The following PHEX variants were observed in gnomAD, a reference collection of about 807,000 sequenced individuals.
PHEX encodes the protein phosphate-regulating neutral endopeptidase PHEX.
Under a neutral mutation model 68.0 loss-of-function variants are expected in PHEX, and 16 were observed. That is an observed-to-expected ratio of 0.24 (90% CI 0.16 to 0.36). PHEX has a LOEUF of 0.36. PHEX is among the 10% of genes least tolerant of loss of function. PHEX has a pLI of 1.00. For missense variants in PHEX, 480 were observed against 575.5 expected, an observed-to-expected ratio of 0.83 and a Z score of 1.70; for synonymous variants, 208 against 205.1, an observed-to-expected ratio of 1.01 and a Z score of -0.12.
chrX:22,075,804 A>G (rs1929127206), intron 3 of PHEX, among the ~76,000 whole-genome samples: 1 of 111,894 alleles, frequency 8.9e-6, no homozygotes, highest in Non-Finnish European at 1.9e-5. Context: ...GCATGTGTAA[A>G]CGGGCAAGTT....
At chrX:22,079,873 A>T (rs749543370) in intron 5 of PHEX, among the ~76,000 whole-genome samples, 24 of 110,646 alleles carry the variant, frequency 2.2e-4, no homozygotes, top group Non-Finnish European at 3.4e-4. Context: ...CTATCTATTT[A>T]AAAAAAAATC....
At chrX:22,242,445 A>T (rs1936252484) in intron 20 of PHEX, among the ~76,000 whole-genome samples, 1 of 111,829 alleles carries the variant, frequency 8.9e-6, no homozygotes, top group African/African-American at 3.3e-5. Context: ...AGGCAAGAGA[A>T]ATAAAGGGTA....
chrX:22,170,475 T>C (rs1274299218), intron 13 of PHEX, among the ~76,000 whole-genome samples: 6 of 111,658 alleles, frequency 5.4e-5, no homozygotes, highest in Non-Finnish European at 1.1e-4. Context: ...ATGAAGGTCA[T>C]ACCAATCCCT....
intron 18 of PHEX, among the ~76,000 whole-genome samples, chrX:22,222,771 C>T (rs1005762089): frequency 9.0e-6 from 1 of 111,339 alleles, no homozygotes; most frequent in African/African-American, 3.3e-5. Context: ...CAAATGTATC[C>T]CCATACTAGT....
At chrX:22,061,767 C>T (rs1183269276) in intron 3 of PHEX, among the ~76,000 whole-genome samples, 1 of 111,408 alleles carries the variant, frequency 9.0e-6, no homozygotes, top group Non-Finnish European at 1.9e-5. Flanking sequence ...CTGGTAAAAG[C>T]CCTGAAAACT....
At position 22,250,601 on chromosome X, in the gene PHEX, A is replaced by G. The variant is rs980495901; in HGVS notation, c.*2648A>G. 1 of 111,523 alleles carries G rather than the reference A, an allele frequency of 9.0e-6. No homozygotes were observed. The highest frequency in any genetic ancestry group is 1.9e-5 in the Non-Finnish European group (1 of 53,119). 9.2% of individuals were successfully genotyped at this position (111,523 alleles called of 1,213,427 possible). A position where few individuals can be genotyped will look rare whatever the true frequency, so the allele number is the denominator to read the frequency against. ...TGTGAAAATCTCCTGGATTAGTAAA[A>G]AAATTTTCTAGATATAAAGTGGTTT... On this transcript the variant is annotated 3_prime_UTR_variant, in exon 22 of 22. Transcript: ENST00000379374.
intron 16 of PHEX, among the ~76,000 whole-genome samples, chrX:22,217,675 CTAAAT>C (rs756574879): frequency 9.0e-6 from 1 of 111,474 alleles, no homozygotes; most frequent in East Asian, 2.8e-4. Flanking sequence ...GGTTGAATGA[CTAAAT>C]TAAGATACAT....
intron 3 of PHEX, 131 bp downstream of exon 3, chrX:22,047,342 T>A: frequency 1.7e-6 from 1 of 597,263 alleles, no homozygotes; most frequent in Non-Finnish European, 2.8e-6. Flanking sequence ...CAAGAATTTT[T>A]AAAATGAAAG....
At chrX:22,233,618 G>A (rs1250210477) in intron 20 of PHEX, among the ~76,000 whole-genome samples, 3 of 110,746 alleles carry the variant, frequency 2.7e-5, no homozygotes, top group South Asian at 7.7e-4. Context: ...TGATACTTGT[G>A]TATGCTTCAC....
intron 3 of PHEX, among the ~76,000 whole-genome samples, chrX:22,066,223 C>T (rs1928594420): frequency 1.8e-5 from 2 of 112,052 alleles, no homozygotes; most frequent in Admixed American, 9.4e-5. Context: ...TTGCTGCTGT[C>T]TGTGGAGAGT....
chrX:22,213,946 G>A (rs1025860308), intron 16 of PHEX, among the ~76,000 whole-genome samples: 1 of 112,292 alleles, frequency 8.9e-6, no homozygotes, highest in African/African-American at 3.2e-5. Flanking sequence ...ACACCAGTAG[G>A]GGAGTGGAGA....
intron 3 of PHEX, among the ~76,000 whole-genome samples, chrX:22,067,140 G>A (rs1350730343): frequency 9.1e-6 from 1 of 110,013 alleles, no homozygotes; most frequent in Non-Finnish European, 1.9e-5. Flanking sequence ...TACTCAGAAG[G>A]CTAAGGCAGG....
At chrX:22,067,910 G>A (rs1028984360) in intron 3 of PHEX, among the ~76,000 whole-genome samples, 1 of 109,079 alleles carries the variant, frequency 9.2e-6, no homozygotes, top group African/African-American at 3.4e-5. Flanking sequence ...TTGGCTCACT[G>A]CAACCTCAAC....
intron 5 of PHEX, among the ~76,000 whole-genome samples, chrX:22,085,494 G>C (rs1342707081): frequency 9.3e-6 from 1 of 107,423 alleles, no homozygotes; most frequent in Non-Finnish European, 1.9e-5. Flanking sequence ...AGAATTGCTT[G>C]AACCTGGGAG....
At chrX:22,144,791 G>A (rs1932615023) in intron 12 of PHEX, among the ~76,000 whole-genome samples, 1 of 109,002 alleles carries the variant, frequency 9.2e-6, no homozygotes, top group African/African-American at 3.3e-5. Context: ...TCCAGATGAG[G>A]TCTGCATATT....
intron 11 of PHEX, among the ~76,000 whole-genome samples, chrX:22,125,066 A>G (rs1931656255): frequency 8.9e-6 from 1 of 111,916 alleles, no homozygotes; most frequent in Non-Finnish European, 1.9e-5. Context: ...GGGCATTTTT[A>G]TAAATAGTTA....
intron 11 of PHEX, among the ~76,000 whole-genome samples, chrX:22,123,796 A>G (rs1366883395): frequency 6.4e-5 from 7 of 109,570 alleles, no homozygotes; most frequent in Non-Finnish European, 1.1e-4. Flanking sequence ...GAAATTACTC[A>G]TGAAATTACT....
chrX:22,164,643 G>GTTCTTTTCTTTTC (rs1556048841), intron 12 of PHEX, among the ~76,000 whole-genome samples: 1 of 111,963 alleles, frequency 8.9e-6, no homozygotes, highest in Non-Finnish European at 1.9e-5. Context: ...CCGTTCGTTC[G>GTTCTTTTCTTTTC]TTCTTTTCTT....
intron 15 of PHEX, among the ~76,000 whole-genome samples, chrX:22,209,002 A>G (rs1294880559): frequency 8.9e-6 from 1 of 112,290 alleles, no homozygotes; most frequent in Admixed American, 9.4e-5. Flanking sequence ...CAAACGCTAC[A>G]GTAAATATGG....
Sources: gnomAD v4.1 joint callset for allele counts (sites outside exome capture counted in the v4.1 genomes callset) on GRCh38, gnomAD v4.1.1 for gene constraint, MANE v1.5 for transcripts, NCBI Gene and HGNC (gene_info 2026-07-23, HGNC 2026-07-21) for gene names.